ARHGEF6: variants seen among roughly 807,000 people sequenced by gnomAD.
ARHGEF6 encodes the protein Rac/Cdc42 guanine nucleotide exchange factor 6, also known as rho guanine nucleotide exchange factor 6.
Under a neutral mutation model 70.3 loss-of-function variants are expected in ARHGEF6, and 9 were observed. The observed-to-expected ratio is 0.13, with a 90% CI of 0.08 to 0.22. The LOEUF is 0.22. Among genes scored for constraint, ARHGEF6 ranks in the 10% least tolerant of loss-of-function variants. ARHGEF6 has a pLI of 1.00. For synonymous variants in ARHGEF6, 201 were observed against 207.8 expected, an observed-to-expected ratio of 0.97 and a Z score of 0.28; for missense variants, 470 against 563.0, an observed-to-expected ratio of 0.83 and a Z score of 1.67.
intron 5 of ARHGEF6, among the ~76,000 whole-genome samples, chrX:136,740,003 C>CATT (rs746167958): frequency 0.012 from 1,329 of 109,776 alleles, 26 homozygotes; most frequent in African/African-American, 0.042. Context: ...ACCCAAGTTA[C>CATT]ATTATTATTA....
Position 136,671,708 on chromosome X carries a change from C to T in ARHGEF6, c.2135+312G>A, listed in dbSNP as rs1444933062. Among the ~76,000 whole-genome samples the T allele has an allele frequency of 5.3e-5, 6 of 112,475 alleles. No homozygotes were observed. The East Asian group carries it at 1.7e-3, about 32-fold the overall frequency. On this transcript the variant is annotated intron_variant, in intron 20 of 21. Transcript: ENST00000250617. ...CTGTGGCTGGAATTCCCAGCCACTTCCTAAACCCATCCAGGGCATTGATAT... is the reference window on the plus strand; with the variant it reads ...CTGTGGCTGGAATTCCCAGCCACTTTCTAAACCCATCCAGGGCATTGATAT...
At chrX:136,752,582 C>G (rs781335791) in intron 2 of ARHGEF6, among the ~76,000 whole-genome samples, 2 of 112,110 alleles carry the variant, frequency 1.8e-5, no homozygotes, top group East Asian at 5.6e-4. Flanking sequence ...ATACCCTACC[C>G]TGGTTCAGAA....
intron 5 of ARHGEF6, among the ~76,000 whole-genome samples, chrX:136,732,412 A>G (rs1162510927): frequency 8.9e-6 from 1 of 112,040 alleles, no homozygotes; most frequent in Non-Finnish European, 1.9e-5. Flanking sequence ...CTAACTAAGA[A>G]ATAGCAGGGC....
intron 11 of ARHGEF6, 84 bp downstream of exon 11, chrX:136,687,848 A>G: frequency 3.7e-6 from 3 of 809,699 alleles, no homozygotes; most frequent in Non-Finnish European, 5.7e-6. Flanking sequence ...ACCTTTGTAT[A>G]GGGAAAGAAA....
chrX:136,694,104 G>A (rs1436678741), intron 9 of ARHGEF6, among the ~76,000 whole-genome samples: 22 of 104,157 alleles, frequency 2.1e-4, no homozygotes, highest in Non-Finnish European at 3.5e-4. Flanking sequence ...CCAGGCTGAA[G>A]TGCAGTGGTG....
At chrX:136,729,594 G>A (rs1203031116) in intron 6 of ARHGEF6, among the ~76,000 whole-genome samples, 1 of 107,599 alleles carries the variant, frequency 9.3e-6, no homozygotes, top group African/African-American at 3.4e-5. Context: ...CACTTTCGGA[G>A]GCCAAGGCGG....
intron 11 of ARHGEF6, among the ~76,000 whole-genome samples, chrX:136,687,256 G>A (rs1399935554): frequency 2.7e-5 from 3 of 111,762 alleles, no homozygotes; most frequent in Non-Finnish European, 5.7e-5. Context: ...TTTCAACAAG[G>A]ATTAATAATT....
At chrX:136,683,595 T>G (rs903720174) in intron 12 of ARHGEF6, among the ~76,000 whole-genome samples, 1 of 111,780 alleles carries the variant, frequency 8.9e-6, no homozygotes, top group Non-Finnish European at 1.9e-5. Context: ...CGACTTCAGG[T>G]GATCCACCCA....
intron 3 of ARHGEF6, among the ~76,000 whole-genome samples, chrX:136,746,240 G>A (rs1299236716): frequency 8.9e-6 from 1 of 112,019 alleles, no homozygotes; most frequent in Non-Finnish European, 1.9e-5. Context: ...CGTATAATTT[G>A]TGTGGCATAA....
intron 5 of ARHGEF6, among the ~76,000 whole-genome samples, chrX:136,734,659 T>C (rs947016870): frequency 1.8e-5 from 2 of 111,510 alleles, no homozygotes; most frequent in Admixed American, 9.5e-5. Flanking sequence ...GAAACCACTA[T>C]TACACTGACA....
At chrX:136,675,706 G>A (rs1374849196) in intron 18 of ARHGEF6, among the ~76,000 whole-genome samples, 1 of 109,324 alleles carries the variant, frequency 9.1e-6, no homozygotes, top group African/African-American at 3.3e-5. Flanking sequence ...TTTTTTAGTA[G>A]AGACGAGGTT....
intron 5 of ARHGEF6, among the ~76,000 whole-genome samples, chrX:136,742,549 T>G (rs990543149): frequency 8.9e-6 from 1 of 112,021 alleles, no homozygotes; most frequent in African/African-American, 3.2e-5. Flanking sequence ...AATAACTAAA[T>G]GCTGTTTTAT....
intron 12 of ARHGEF6, 99 bp downstream of exon 12, chrX:136,685,578 G>A (rs1367878605): frequency 9.8e-7 from 1 of 1,024,655 alleles, no homozygotes; most frequent in Non-Finnish European, 1.3e-6. Flanking sequence ...CTGCACTCCA[G>A]CCTGAGTGAC....
intron 20 of ARHGEF6, among the ~76,000 whole-genome samples, chrX:136,670,881 TG>T (rs2076218909): frequency 9.0e-6 from 1 of 111,576 alleles, no homozygotes; most frequent in South Asian, 3.8e-4. Context: ...TTTTCCTCTC[TG>T]GGTCTCTCCC....
chrX:136,779,535 A>G (rs199519123), intron 1 of ARHGEF6, 38 bp from the exon 2 acceptor site: 206 of 1,138,368 alleles, frequency 1.8e-4, no homozygotes, highest in Non-Finnish European at 2.4e-4. Context: ...GGAGATTGTC[A>G]TCCCATGCCA....
At position 136,668,246 on chromosome X, in the gene ARHGEF6, C is replaced by A. The variant is rs963813232; in HGVS notation, c.2191-77G>T. 4.5e-6 allele frequency: 5 copies of A among 1,105,639 alleles called. No individual in the cohort carries two copies. The African/African-American group carries it at 9.1e-5, about 20-fold the overall frequency. 91.1% of individuals were successfully genotyped at this position (1,105,639 alleles called of 1,213,427 possible). On this transcript the variant is annotated intron_variant, in intron 21 of 21. Coordinates refer to ENST00000250617, the MANE Select transcript of ARHGEF6 (RefSeq NM_004840.3). ...GGGCTCCTCCTGCTCATCCTCGGGG[C>A]AGCTTTCATCACTGACTCTCTTTCT... is the stretch of plus-strand genomic sequence containing the variant.
intron 5 of ARHGEF6, among the ~76,000 whole-genome samples, chrX:136,739,849 G>T (rs976243544): frequency 9.0e-6 from 1 of 111,148 alleles, no homozygotes; most frequent in Non-Finnish European, 1.9e-5. Context: ...GCAGCCAAGA[G>T]ACCAGTGTGG....
At chrX:136,738,106 C>T (rs1476986447) in intron 5 of ARHGEF6, among the ~76,000 whole-genome samples, 1 of 110,194 alleles carries the variant, frequency 9.1e-6, no homozygotes, top group Non-Finnish European at 1.9e-5. Context: ...GAAGCCTCCC[C>T]TAACCTCTTC....
chrX:136,706,295 T>C (rs1345933744), intron 9 of ARHGEF6, among the ~76,000 whole-genome samples: 1 of 112,178 alleles, frequency 8.9e-6, no homozygotes, highest in Non-Finnish European at 1.9e-5. Flanking sequence ...TCATGTATAA[T>C]TATTATCAGA....
Sources: allele counts gnomAD v4.1 joint callset (sites outside exome capture counted in the v4.1 genomes callset), GRCh38; gene constraint gnomAD v4.1.1; transcripts MANE v1.5; gene names NCBI Gene and HGNC (gene_info 2026-07-23, HGNC 2026-07-21).